SPOPL: variants seen among roughly 807,000 people sequenced by gnomAD.
SPOPL encodes the protein speckle-type POZ protein-like.
SPOPL carries 23 observed loss-of-function variants against 53.8 expected under a neutral mutation model. That is an observed-to-expected ratio of 0.43 (90% confidence interval 0.31 to 0.61). SPOPL has a LOEUF of 0.61. SPOPL is among the 20% of genes least tolerant of loss of function. The probability of loss-of-function intolerance (pLI) is 0.12; values close to 1 mark genes in which losing one functional copy is unlikely to be tolerated. For missense variants in SPOPL, 442 were observed against 466.9 expected, an observed-to-expected ratio of 0.95 and a Z score of 0.49; for synonymous variants, 164 against 149.7, an observed-to-expected ratio of 1.10 and a Z score of -0.70.
chr2:138,506,324 A>G (rs1684215608), intron 1 of SPOPL, among the ~76,000 whole-genome samples: 1 of 152,230 alleles, frequency 6.6e-6, no homozygotes, highest in Non-Finnish European at 1.5e-5. Context: ...AAACGTTCCT[A>G]AATGCTTTCT....
chr2:138,560,031 C>T (rs1280563122), intron 7 of SPOPL, among the ~76,000 whole-genome samples: 2 of 152,066 alleles, frequency 1.3e-5, no homozygotes, highest in African/African-American at 4.8e-5. Flanking sequence ...TGGGAGACAT[C>T]AATGATGTCA....
chr2:138,532,367 G>A (rs1684828123), intron 1 of SPOPL, among the ~76,000 whole-genome samples: 1 of 151,784 alleles, frequency 6.6e-6, no homozygotes. Flanking sequence ...ATATTCTTGG[G>A]GAGAAAAGTG....
intron 1 of SPOPL, among the ~76,000 whole-genome samples, chr2:138,518,659 G>A (rs967818168): frequency 6.6e-6 from 1 of 152,138 alleles, no homozygotes; most frequent in Non-Finnish European, 1.5e-5. Flanking sequence ...AATTCCTAAC[G>A]GACATGTTAG....
chr2:138,526,495 A>T (rs1684678033), intron 1 of SPOPL, among the ~76,000 whole-genome samples: 1 of 152,062 alleles, frequency 6.6e-6, no homozygotes, highest in South Asian at 2.1e-4. Flanking sequence ...TGTAATTTTT[A>T]ATTTTTTAGT....
chr2:138,521,365 CTTTT>C (rs58220797), intron 1 of SPOPL, among the ~76,000 whole-genome samples: 1 of 134,834 alleles, frequency 7.4e-6, no homozygotes, highest in African/African-American at 2.7e-5. Flanking sequence ...GACCCCAGAG[CTTTT>C]TTTTTTTTTT....
intron 4 of SPOPL, among the ~76,000 whole-genome samples, chr2:138,551,612 T>C (rs1289983376): frequency 6.6e-6 from 1 of 152,032 alleles, no homozygotes; most frequent in Non-Finnish European, 1.5e-5. Flanking sequence ...GTAGGAAATG[T>C]ACGTTGTGTG....
rs1553469729 is a variant in SPOPL, at chr2:138,536,346, C to CACA, written c.-60-13811_-60-13810insACA. On this transcript the variant is annotated intron_variant, in intron 1 of 10. Coordinates refer to ENST00000280098, the MANE Select transcript of SPOPL (RefSeq NM_001001664.3). ...GTGGAGTCTATTTAGTGCCCCCCCC[C>CACA]CACACACACACACACGCACACAGTG... 4.6e-3 allele frequency among the ~76,000 whole-genome samples: 700 copies of CACA among 151,312 alleles called. 7 individuals are homozygous for CACA. The highest frequency in any genetic ancestry group is 0.018 in the South Asian group (89 of 4,820).
chr2:138,556,820 A>G lies in SPOPL; in HGVS notation c.481-2202A>G, dbSNP rs558871310. Among the ~76,000 whole-genome samples, 23 of 152,284 alleles carry G rather than the reference A, an allele frequency of 1.5e-4. No homozygotes were observed. In the South Asian group the frequency reaches 4.6e-3, roughly 30 times the overall value. On this transcript the variant is annotated intron_variant, in intron 5 of 10. Coordinates refer to ENST00000280098, the MANE Select transcript of SPOPL (RefSeq NM_001001664.3). Reference sequence around the variant, plus strand: ...GGTCATAATTGTGTTAATTTTACTAATTTTTAAAAATATCAGAAAAATATT... The same window carrying G: ...GGTCATAATTGTGTTAATTTTACTAGTTTTTAAAAATATCAGAAAAATATT...
At chr2:138,506,252 A>G (rs546768248) in intron 1 of SPOPL, among the ~76,000 whole-genome samples, 1 of 152,194 alleles carries the variant, frequency 6.6e-6, no homozygotes, top group Non-Finnish European at 1.5e-5. Flanking sequence ...TTAATTTTCT[A>G]TTCATTCTGG....
At chr2:138,525,666 A>AAAACAAC (rs1553468805) in intron 1 of SPOPL, among the ~76,000 whole-genome samples, 3 of 150,304 alleles carry the variant, frequency 2.0e-5, no homozygotes, top group Non-Finnish European at 4.4e-5. Context: ...GAAAAAAAAA[A>AAAACAAC]AAAAAAAATA....
intron 1 of SPOPL, among the ~76,000 whole-genome samples, chr2:138,530,919 G>A (rs1180132158): frequency 1.1e-5 from 1 of 90,366 alleles, no homozygotes; most frequent in Non-Finnish European, 2.2e-5. Flanking sequence ...TTACTGTAGA[G>A]TGAGTGTGTG....
intron 5 of SPOPL, chr2:138,554,365 G>T (rs890597440): frequency 2.3e-5 from 20 of 856,606 alleles, no homozygotes; most frequent in Non-Finnish European, 3.1e-5. Context: ...TGGGCAAAAG[G>T]TACTTTTAAC....
At chr2:138,515,326 G>T (rs1684415691) in intron 1 of SPOPL, among the ~76,000 whole-genome samples, 1 of 152,118 alleles carries the variant, frequency 6.6e-6, no homozygotes, top group Admixed American at 6.6e-5. Context: ...GTTCTTACTT[G>T]ACCATCTACC....
intron 1 of SPOPL, among the ~76,000 whole-genome samples, chr2:138,524,786 A>G (rs2104867292): frequency 6.6e-6 from 1 of 152,306 alleles, no homozygotes; most frequent in East Asian, 1.9e-4. Flanking sequence ...CCTGGATTTC[A>G]TTGTCCATAT....
intron 1 of SPOPL, among the ~76,000 whole-genome samples, chr2:138,513,408 C>G (rs1022375167): frequency 3.3e-5 from 5 of 152,104 alleles, no homozygotes; most frequent in African/African-American, 1.2e-4. Context: ...CAAAAGTCAG[C>G]CGGGTGTGGT....
chr2:138,532,353 G>A (rs1684827588), intron 1 of SPOPL, among the ~76,000 whole-genome samples: 1 of 150,992 alleles, frequency 6.6e-6, no homozygotes, highest in African/African-American at 2.4e-5. Context: ...CTTAGAATCT[G>A]CAAATATTCT....
At chr2:138,520,180 A>C (rs942879876) in intron 1 of SPOPL, among the ~76,000 whole-genome samples, 2 of 152,232 alleles carry the variant, frequency 1.3e-5, no homozygotes, top group African/African-American at 4.8e-5. Context: ...ATACTTTTCT[A>C]TTCCATAATG....
At chr2:138,560,617 A>C (rs1685524842) in intron 7 of SPOPL, among the ~76,000 whole-genome samples, 188 bp from the exon 8 acceptor site, 1 of 152,106 alleles carries the variant, frequency 6.6e-6, no homozygotes, top group African/African-American at 2.4e-5. Flanking sequence ...ACTTTGCCGA[A>C]GTACTTAATG....
chr2:138,537,933 T>A (rs998020193), intron 1 of SPOPL, among the ~76,000 whole-genome samples: 4 of 152,172 alleles, frequency 2.6e-5, no homozygotes, highest in Admixed American at 2.0e-4. Flanking sequence ...TTTTCATTAG[T>A]GGTTCAGTCT....
Sources: allele counts gnomAD v4.1 joint callset (sites outside exome capture counted in the v4.1 genomes callset), GRCh38; gene constraint gnomAD v4.1.1; transcripts MANE v1.5; gene names NCBI Gene and HGNC (gene_info 2026-07-23, HGNC 2026-07-21).